Variants in ANKRD2 observed in about 807,000 individuals in gnomAD.
The protein encoded by ANKRD2 is ankyrin repeat domain 2.
A neutral mutation model predicts 37.3 loss-of-function variants in ANKRD2; 35 were observed. The ratio of observed to expected loss-of-function variants is 0.94; its 90% CI spans 0.72 to 1.24. The LOEUF is 1.24. Among genes scored for constraint, ANKRD2 ranks in the 50% most tolerant of loss-of-function variants. ANKRD2 has a pLI of 0.00. For synonymous variants in ANKRD2, 159 were observed against 186.5 expected, an observed-to-expected ratio of 0.85 and a Z score of 1.20; for missense variants, 410 against 445.6, an observed-to-expected ratio of 0.92 and a Z score of 0.72.
At chr10:97,572,475 A>C, upstream of ANKRD2, 1 of 532,784 alleles carries the variant, frequency 1.9e-6, no homozygotes, top group East Asian at 3.0e-5. Flanking sequence ...CCCTTTTGCA[A>C]CTCAGTTGCC....
At chr10:97,572,580 C>G, upstream of ANKRD2, 1 of 1,205,632 alleles carries the variant, frequency 8.3e-7, no homozygotes, top group Non-Finnish European at 1.1e-6. Context: ...CCCTCCGGCT[C>G]TAATAGGCCA....
In ANKRD2 at chr10:97,577,018, G is replaced by GTCAT. The variant is rs1248866264; in HGVS notation, c.88-779_88-776dup. ...TGGCCTATTTATTTTTTGAGGCAGGGTCATTCTCTCTCTCTCTCACTGTCA... is the reference window on the plus strand; with the variant it reads ...TGGCCTATTTATTTTTTGAGGCAGGGTCATTCATTCTCTCTCTCTCTCACTGTCA... On this transcript the variant is annotated intron_variant, in intron 1 of 8. Coordinates refer to ENST00000370655, the MANE Select transcript of ANKRD2 (RefSeq NM_001346793.2). Among the ~76,000 whole-genome samples, 5 of 147,638 alleles carry GTCAT rather than the reference G, an allele frequency of 3.4e-5. No homozygotes were observed. The East Asian group carries it at 1.0e-3, about 30-fold the overall frequency.
intron 2 of ANKRD2, 94 bp from the exon 3 acceptor site, chr10:97,578,146 C>A: frequency 2.5e-6 from 1 of 401,348 alleles, no homozygotes; most frequent in South Asian, 1.9e-5. Flanking sequence ...GTCTTCCTGC[C>A]CACCCCACCC....
chr10:97,573,273 AAG>A (rs2040783382), intron 1 of ANKRD2, among the ~76,000 whole-genome samples: 1 of 152,084 alleles, frequency 6.6e-6, no homozygotes, highest in African/African-American at 2.4e-5. Flanking sequence ...GCCAGTGAAG[AAG>A]AGAGTGAGGA....
intron 1 of ANKRD2, among the ~76,000 whole-genome samples, chr10:97,576,138 C>A (rs2040823357): frequency 6.6e-6 from 1 of 152,178 alleles, no homozygotes; most frequent in South Asian, 2.1e-4. Context: ...GGGAAATCGG[C>A]TCTCAAAACC....
At chr10:97,582,891 A>G (rs1043932973) in intron 8 of ANKRD2, among the ~76,000 whole-genome samples, 189 bp downstream of exon 8, 1 of 152,200 alleles carries the variant, frequency 6.6e-6, no homozygotes, top group Non-Finnish European at 1.5e-5. Context: ...ATGTGTGTCT[A>G]TGTCCAGAGT....
rs902745511 is a variant in ANKRD2, at chr10:97,578,409, T to C, written c.348+11T>C. ...GAGCCCGAGGAGATCGTAAGGGTCC[T>C]GGGGAGGACACCGCGAGGGGGCGGA... On this transcript the variant is annotated intron_variant, in intron 3 of 8. Transcript: ENST00000370655. 1 of 1,613,378 alleles carries C rather than the reference T, an allele frequency of 6.2e-7. No individual in the cohort carries two copies. The highest frequency in any genetic ancestry group is 1.3e-5 in the African/African-American group (1 of 74,860).
chr10:97,577,894 AGGTGAAGGTAAGCCT>A lies in ANKRD2; in HGVS notation c.185_189+10del. ...GGGGCTCAGAGTGCAGCCCTGCAGA[AGGTGAAGGTAAGCCT>A]GGGAGGATCCAATGTCTGCACCCAG... On this transcript the variant is annotated splice_donor_variant and splice_donor_5th_base_variant and coding_sequence_variant and intron_variant, in exon 2 of 9. Coordinates refer to ENST00000370655, the MANE Select transcript of ANKRD2 (RefSeq NM_001346793.2). LOFTEE classifies it high-confidence loss of function. The A allele has an allele frequency of 6.4e-7, 1 of 1,561,412 alleles. No individual in the cohort carries two copies. The highest frequency in any genetic ancestry group is 1.2e-5 in the South Asian group (1 of 84,610).
rs992017389 is a variant in ANKRD2 at position 97,582,469 on chromosome 10, G to A, written c.753+56G>A. On this transcript the variant is annotated intron_variant, in intron 7 of 8. Coordinates refer to ENST00000370655, the MANE Select transcript of ANKRD2 (RefSeq NM_001346793.2). ...CCATGGGTGTGTGGGCAGCCTGCGG[G>A]CCCCTACAGGTGGTGTCCTTCCTCC... 3.8e-6 allele frequency: 6 copies of A among 1,592,904 alleles called. No homozygotes were observed. In the African/African-American group the frequency reaches 4.0e-5, roughly 11 times the overall value.
chr10:97,583,832 G>A lies in ANKRD2; in HGVS notation c.*107G>A. 2 of 1,297,076 alleles carry A rather than the reference G, an allele frequency of 1.5e-6. No homozygotes were observed. Among genetic ancestry groups the A allele is most frequent in the Non-Finnish European group, 2.0e-6 (2 of 991,408 alleles). 80.3% of individuals were successfully genotyped at this position (1,297,076 alleles called of 1,614,324 possible). On this transcript the variant is annotated 3_prime_UTR_variant, in exon 9 of 9. Transcript: ENST00000370655. ...TGAGGGCCCAGCCTTTTTTCTGCAT[G>A]ATCCAGGAGCACATACCACAAACTA... is the stretch of plus-strand genomic sequence containing the variant.
In ANKRD2 at chr10:97,581,325, A is replaced by G. The variant is rs1202813232; in HGVS notation, c.565A>G (p.Thr189Ala). 2 of 1,614,080 alleles carry G rather than the reference A, an allele frequency of 1.2e-6. No homozygotes were observed. The highest frequency in any genetic ancestry group is 3.3e-5 in the Admixed American group (2 of 60,014). Reference protein sequence around the residue: ...TVDFQDRLDCTAMHWACRGGH... With the variant: ...TVDFQDRLDCAAMHWACRGGH... ...CCTCATTTCTTTCTAGCTGGACTGC[A>G]CAGCCATGCATTGGGCCTGCCGCGG... is the stretch of plus-strand genomic sequence containing the variant. Residue 189 changes from threonine (T) to alanine (A), a missense_variant, in exon 6 of 9, where the codon ACA becomes GCA. Transcript: ENST00000370655.
intron 5 of ANKRD2, 33 bp from the exon 6 acceptor site, chr10:97,581,283 G>A (rs2040894687): frequency 6.2e-7 from 1 of 1,600,176 alleles, no homozygotes; most frequent in Admixed American, 1.7e-5. Flanking sequence ...CTTCCCTGCA[G>A]CTCTGTAGTT....
intron 4 of ANKRD2, among the ~76,000 whole-genome samples, chr10:97,579,337 CACT>C (rs2040868692): frequency 6.9e-6 from 1 of 143,998 alleles, no homozygotes; most frequent in Non-Finnish European, 1.5e-5. Context: ...GACAGAGTCT[CACT>C]CTGTCACCCA....
intron 5 of ANKRD2, 97 bp downstream of exon 5, chr10:97,581,050 C>T: frequency 2.7e-6 from 3 of 1,128,242 alleles, no homozygotes; most frequent in African/African-American, 1.5e-5. Flanking sequence ...GAAGCATAAA[C>T]AGGTTGCTCA....
rs1037734555 is a variant in ANKRD2 at position 97,580,797 on chromosome 10, G to A, written c.457-58G>A. The A allele has an allele frequency of 5.9e-6, 8 of 1,347,214 alleles. 1 individual carries two copies. The South Asian group carries it at 6.2e-5, about 11-fold the overall frequency. 83.5% of individuals were successfully genotyped at this position (1,347,214 alleles called of 1,614,324 possible). On this transcript the variant is annotated intron_variant, in intron 4 of 8. Coordinates refer to ENST00000370655, the MANE Select transcript of ANKRD2 (RefSeq NM_001346793.2). The stretch of plus-strand genomic sequence containing the variant: ...GAAGGCCTGGGCCTCAGCTTGGGTG[G>A]GAGATGGGCTCAGGCCTGGAGCCAG...
At position 97,577,852 on chromosome 10, in the gene ANKRD2, A is replaced by C. The variant is rs2040844366; in HGVS notation, c.140A>C (p.Glu47Ala). 1 of 1,574,194 alleles carries C rather than the reference A, an allele frequency of 6.4e-7. No homozygotes were observed. Among genetic ancestry groups the C allele is most frequent in the Non-Finnish European group, 8.6e-7 (1 of 1,159,938 alleles). Residue 47 changes from glutamate (E) to alanine (A), a missense_variant, in exon 2 of 9, where the codon GAG becomes GCG. Coordinates refer to ENST00000370655, the MANE Select transcript of ANKRD2 (RefSeq NM_001346793.2). ...CTGCCCATGGACTTGCTGGTGCTGGAGGATGAGAAGCACCACGGGGCTCAG... is the reference window on the plus strand; with the variant it reads ...CTGCCCATGGACTTGCTGGTGCTGGCGGATGAGAAGCACCACGGGGCTCAG... Reference protein sequence around the residue: ...QKLPMDLLVLEDEKHHGAQSA... With the variant: ...QKLPMDLLVLADEKHHGAQSA...
chr10:97,578,116 G>C, intron 2 of ANKRD2, 124 bp from the exon 3 acceptor site: 1 of 1,303,802 alleles, frequency 7.7e-7, no homozygotes, highest in South Asian at 1.5e-5. Context: ...ATAGACCTTG[G>C]TTCCTTCTTT....
chr10:97,581,204 G>C (rs946724252), intron 5 of ANKRD2, 112 bp from the exon 6 acceptor site: 193 of 1,133,708 alleles, frequency 1.7e-4, no homozygotes, highest in Non-Finnish European at 2.4e-4. Flanking sequence ...GCCCAGGCCT[G>C]CTCCCTGTAC....
At chr10:97,580,653 GAGA>G (rs1298024149) in intron 4 of ANKRD2, among the ~76,000 whole-genome samples, 199 bp from the exon 5 acceptor site, 1 of 152,222 alleles carries the variant, frequency 6.6e-6, no homozygotes, top group Non-Finnish European at 1.5e-5. Context: ...GGGGGGCAGT[GAGA>G]AGGTCGGGTT....
Sources: allele counts gnomAD v4.1 joint callset (sites outside exome capture counted in the v4.1 genomes callset), GRCh38; gene constraint gnomAD v4.1.1; transcripts MANE v1.5; gene names NCBI Gene and HGNC (gene_info 2026-07-23, HGNC 2026-07-21).